MTSS1: variants seen among roughly 807,000 people sequenced by gnomAD.
MTSS1 encodes the protein MTSS I-BAR domain containing 1, also known as protein MTSS 1.
A neutral mutation model predicts 79.0 loss-of-function variants in MTSS1; 18 were observed. The observed-to-expected ratio is 0.23, with a 90% CI of 0.16 to 0.34. The LOEUF (loss-of-function observed/expected upper bound fraction) is 0.34, where lower values mean the gene tolerates loss of function less well. MTSS1 is among the 10% of genes least tolerant of loss of function. The probability of loss-of-function intolerance (pLI) is 1.00; values close to 1 mark genes in which losing one functional copy is unlikely to be tolerated. For synonymous variants in MTSS1, 341 were observed against 368.6 expected (o/e 0.93, Z 0.86); for missense variants, 815 against 986.2 (o/e 0.83, Z 2.33).
chr8:124,585,971 C>T (rs1428546657), intron 5 of MTSS1, among the ~76,000 whole-genome samples: 1 of 152,144 alleles, frequency 6.6e-6, no homozygotes, highest in Non-Finnish European at 1.5e-5. Context: ...TTACTTTCAG[C>T]ATGAATCCTG....
At chr8:124,593,698 G>A (rs566033249) in intron 3 of MTSS1, among the ~76,000 whole-genome samples, 195 of 152,172 alleles carry the variant, frequency 1.3e-3, no homozygotes, top group African/African-American at 4.5e-3. Flanking sequence ...ACCTCCAGCC[G>A]CATCAGTACT....
At chr8:124,632,321 C>G (rs1275472195) in intron 3 of MTSS1, among the ~76,000 whole-genome samples, 4 of 149,356 alleles carry the variant, frequency 2.7e-5, no homozygotes. Flanking sequence ...GTTTCTCAAT[C>G]CTGCCTTTTA....
At chr8:124,593,190 C>G (rs1563816215) in intron 3 of MTSS1, among the ~76,000 whole-genome samples, 1 of 152,204 alleles carries the variant, frequency 6.6e-6, no homozygotes, top group Non-Finnish European at 1.5e-5. Context: ...TGCATATAAG[C>G]AAAGACGAGG....
chr8:124,725,036 G>T (rs533529132), intron 1 of MTSS1, among the ~76,000 whole-genome samples: 1 of 152,104 alleles, frequency 6.6e-6, no homozygotes, highest in African/African-American at 2.4e-5. Context: ...GCACAACACC[G>T]TTCATTAGCG....
intron 3 of MTSS1, among the ~76,000 whole-genome samples, chr8:124,647,815 T>C (rs1329191343): frequency 1.3e-5 from 2 of 152,208 alleles, no homozygotes; most frequent in Non-Finnish European, 2.9e-5. Flanking sequence ...GTATAAGTCA[T>C]GTGCATTAAA....
intron 9 of MTSS1, among the ~76,000 whole-genome samples, chr8:124,564,466 T>C (rs558922078): frequency 2.0e-5 from 3 of 152,060 alleles, no homozygotes; most frequent in Non-Finnish European, 4.4e-5. Context: ...GGAATAAATA[T>C]CATGATTTTT....
At chr8:124,684,165 T>A (rs190167517) in intron 3 of MTSS1, among the ~76,000 whole-genome samples, 1 of 152,216 alleles carries the variant, frequency 6.6e-6, no homozygotes. Flanking sequence ...AGCTTCTTAT[T>A]TTTTAGTGTC....
In MTSS1 at chr8:124,615,567, G is replaced by T. The variant is rs74745733; in HGVS notation, c.209-24332C>A. Among the ~76,000 whole-genome samples, 47 of 152,264 alleles carry T rather than the reference G, an allele frequency of 3.1e-4. 2 individuals carry two copies. In the East Asian group the frequency reaches 8.7e-3, roughly 28 times the overall value. Reference sequence around the variant, plus strand: ...AATGGTGGTTATCAGGCACTGGGGGGAAGGGGGAAAATGCGAGTTGCTGAA... The same window carrying T: ...AATGGTGGTTATCAGGCACTGGGGGTAAGGGGGAAAATGCGAGTTGCTGAA... On this transcript the variant is annotated intron_variant, in intron 3 of 13. Transcript: ENST00000518547.
At chr8:124,688,347 T>TTG (rs34566097) in intron 3 of MTSS1, among the ~76,000 whole-genome samples, 66,677 of 151,214 alleles carry the variant, frequency 0.44, 15,155 homozygotes, top group African/African-American at 0.55. Flanking sequence ...TGTATGTGTG[T>TTG]TGTGTGTGTG....
intron 3 of MTSS1, among the ~76,000 whole-genome samples, chr8:124,665,522 C>T (rs1034411630): frequency 6.6e-6 from 1 of 152,208 alleles, no homozygotes; most frequent in Non-Finnish European, 1.5e-5. Context: ...TGGCCTCTCA[C>T]AGGGCCCTGG....
At position 124,555,873 on chromosome 8, in the gene MTSS1, A is replaced by C. The variant is rs781244635; in HGVS notation, c.1436T>G (p.Leu479Arg). ...PGEEMEACEELALALSRGLQL... is the reference protein window; with the variant it reads ...PGEEMEACEERALALSRGLQL... ...CAGGCCCCGAGACAGGGCCAGGGCC[A>C]GCTCCTCACAAGCCTCCATCTCCTC... The change falls in exon 13 of 14, where the codon CTG becomes CGG. Residue 479 changes from leucine (L) to arginine (R), a missense_variant. Leu to Arg is a moderately radical substitution (Grantham distance 102). Coordinates refer to ENST00000518547, the MANE Select transcript of MTSS1 (RefSeq NM_014751.6). 3.0e-5 allele frequency: 49 copies of C among 1,610,652 alleles called. No homozygotes were observed. The highest frequency in any genetic ancestry group is 4.1e-5 in the Non-Finnish European group (48 of 1,179,946).
At chr8:124,635,325 C>A (rs1218891241) in intron 3 of MTSS1, among the ~76,000 whole-genome samples, 1 of 152,220 alleles carries the variant, frequency 6.6e-6, no homozygotes, top group Non-Finnish European at 1.5e-5. Flanking sequence ...CTCTTAAAGT[C>A]AGCAGTCTGT....
intron 3 of MTSS1, among the ~76,000 whole-genome samples, chr8:124,655,118 A>T (rs1357390079): frequency 6.6e-6 from 1 of 152,246 alleles, no homozygotes; most frequent in Admixed American, 6.5e-5. Context: ...AATGATGTAC[A>T]GATGAGAGTT....
intron 11 of MTSS1, 80 bp downstream of exon 11, chr8:124,557,601 T>C: frequency 2.3e-6 from 3 of 1,328,812 alleles, no homozygotes; most frequent in Non-Finnish European, 3.1e-6. Flanking sequence ...GAGGGGATAG[T>C]CGGGGTGAGG....
chr8:124,646,181 C>T (rs1286319861), intron 3 of MTSS1, among the ~76,000 whole-genome samples: 1 of 152,164 alleles, frequency 6.6e-6, no homozygotes, highest in Non-Finnish European at 1.5e-5. Flanking sequence ...TTTCTTCTGT[C>T]CATCTCACTG....
At chr8:124,704,325 T>C (rs1039130829) in intron 1 of MTSS1, 134 bp from the exon 2 acceptor site, 1 of 770,240 alleles carries the variant, frequency 1.3e-6, no homozygotes, top group African/African-American at 1.7e-5. Context: ...TGCAATACGT[T>C]TCCCGGATTC....
At chr8:124,660,428 GCATGCACACA>G (rs769548766) in intron 3 of MTSS1, among the ~76,000 whole-genome samples, 2 of 115,402 alleles carry the variant, frequency 1.7e-5, no homozygotes, top group Non-Finnish European at 1.7e-5. Flanking sequence ...TTGCCCATGC[GCATGCACACA>G]CACACACACA....
Position 124,582,796 on chromosome 8 carries a change from C to T in MTSS1, c.460+2291G>A, listed in dbSNP as rs528346298. Among the ~76,000 whole-genome samples, 136 of 152,300 alleles carry T rather than the reference C, an allele frequency of 8.9e-4. No homozygotes were observed. The highest frequency in any genetic ancestry group is 3.0e-3 in the African/African-American group (124 of 41,558). On this transcript the variant is annotated intron_variant, in intron 6 of 13. Coordinates refer to ENST00000518547, the MANE Select transcript of MTSS1 (RefSeq NM_014751.6). This position sits in a 1 kb window ranked among gnomAD's most constrained non-coding sequence, Gnocchi z 4.8. ...AATGTCAGCTAACCAGACCCCTAAA[C>T]AACTGAAAGCCTCAAATGACCAGAT...
chr8:124,614,070 G>A (rs1407062884), intron 3 of MTSS1, among the ~76,000 whole-genome samples: 1 of 151,692 alleles, frequency 6.6e-6, no homozygotes, highest in Non-Finnish European at 1.5e-5. Context: ...TGGCTGAGGT[G>A]GGAGGATGGT....
Sources: allele counts gnomAD v4.1 joint callset (sites outside exome capture counted in the v4.1 genomes callset), GRCh38; gene constraint gnomAD v4.1.1; non-coding constraint Gnocchi (gnomAD v3.1); transcripts MANE v1.5; gene names NCBI Gene and HGNC (gene_info 2026-07-23, HGNC 2026-07-21).